The following DGKH variants were observed in gnomAD, a reference collection of about 807,000 sequenced individuals.
The protein encoded by DGKH is DAG kinase eta.
In DGKH, 90 loss-of-function variants were observed where a neutral mutation model predicts 159.3. The ratio of observed to expected loss-of-function variants is 0.57; its 90% CI spans 0.48 to 0.67. The LOEUF (loss-of-function observed/expected upper bound fraction) is 0.67, where lower values mean the gene tolerates loss of function less well. DGKH is among the 30% of genes least tolerant of loss of function. The pLI, the probability that DGKH is intolerant of heterozygous loss-of-function variation, is 0.00. For missense variants in DGKH, 1,181 were observed against 1,506.1 expected (o/e 0.78, Z 3.57); for synonymous variants, 536 against 553.8 (o/e 0.97, Z 0.45).
chr13:42,181,582 G>A, intron 13 of DGKH: 1 of 278,376 alleles, frequency 3.6e-6, no homozygotes, highest in South Asian at 3.1e-5. Flanking sequence ...ATACAAGCAA[G>A]GCTGCTGCTG....
intron 1 of DGKH, among the ~76,000 whole-genome samples, chr13:42,112,166 G>A (rs758408732): frequency 3.3e-5 from 5 of 151,934 alleles, no homozygotes; most frequent in Admixed American, 6.5e-5. Context: ...AACAAAAGTC[G>A]TATATGGTTT....
chr13:42,043,009 AGG>A (rs1257339928), intron 1 of DGKH, among the ~76,000 whole-genome samples: 1 of 152,178 alleles, frequency 6.6e-6, no homozygotes, highest in African/African-American at 2.4e-5. Context: ...CAAGGGGAAA[AGG>A]GGGTGGAGAG....
Position 42,234,662 on chromosome 13 carries a change from AGAGT to A in DGKH, c.*5478_*5481del, listed in dbSNP as rs1355246895. On this transcript the variant is annotated 3_prime_UTR_variant, in exon 30 of 30. Coordinates refer to ENST00000337343, the MANE Select transcript of DGKH (RefSeq NM_178009.5). The stretch of plus-strand genomic sequence containing the variant: ...AAATTCTTTAGATCAGCTGAAAAGA[AGAGT>A]GAGAATTGAAAATTCCTCCACTAGT... The A allele has an allele frequency of 6.6e-6, 1 of 152,240 alleles. No individual in the cohort carries two copies. 9.4% of individuals were successfully genotyped at this position (152,240 alleles called of 1,614,324 possible).
At chr13:42,092,674 T>C (rs2058445222) in intron 1 of DGKH, among the ~76,000 whole-genome samples, 1 of 152,196 alleles carries the variant, frequency 6.6e-6, no homozygotes. Flanking sequence ...TAAGTTGTAG[T>C]GTCTGATAGT....
Position 42,199,594 on chromosome 13 carries a change from AACAATT to A in DGKH, c.2317_2322del (p.Asn773_Tyr774del). On this transcript the variant is annotated inframe_deletion, in exon 19 of 30. Transcript: ENST00000337343. ...TGGATATTCAGAAAAATGTGTCATG[AACAATT>A]ACTTTGGGATTGGATTAGATGCAAA... The A allele has an allele frequency of 6.2e-7, 1 of 1,602,426 alleles. No individual in the cohort carries two copies. Among genetic ancestry groups the A allele is most frequent in the East Asian group, 2.2e-5 (1 of 44,640 alleles).
At chr13:42,182,962 A>G (rs1956814001) in intron 13 of DGKH, among the ~76,000 whole-genome samples, 1 of 151,944 alleles carries the variant, frequency 6.6e-6, no homozygotes, top group Non-Finnish European at 1.5e-5. Context: ...GACAATGCTC[A>G]CACACTACAT....
chr13:42,046,434 A>G (rs1366838760), upstream of DGKH, among the ~76,000 whole-genome samples: 1 of 152,224 alleles, frequency 6.6e-6, no homozygotes, highest in African/African-American at 2.4e-5. Context: ...TAAGTCAGGT[A>G]TCTTAAATAA....
intron 1 of DGKH, among the ~76,000 whole-genome samples, chr13:42,084,422 G>C (rs1031169158): frequency 4.6e-5 from 7 of 152,042 alleles, no homozygotes; most frequent in African/African-American, 1.7e-4. Flanking sequence ...GTGCTTGTGT[G>C]TTTTTAGTTT....
chr13:42,245,138 A>G (rs1020064791), downstream of DGKH, among the ~76,000 whole-genome samples: 2 of 152,166 alleles, frequency 1.3e-5, no homozygotes, highest in Non-Finnish European at 2.9e-5. Context: ...GTGGGCTTGC[A>G]TTAGTTCTAA....
At chr13:42,126,934 C>T (rs550231618) in intron 1 of DGKH, among the ~76,000 whole-genome samples, 1 of 152,328 alleles carries the variant, frequency 6.6e-6, no homozygotes, top group Admixed American at 6.5e-5. Context: ...TACTATACAC[C>T]ATGCACTAAG....
At chr13:42,221,798 CA>C (rs1957980595) in intron 29 of DGKH, among the ~76,000 whole-genome samples, 1 of 152,106 alleles carries the variant, frequency 6.6e-6, no homozygotes, top group Non-Finnish European at 1.5e-5. Context: ...ATACCAATAA[CA>C]AAGCCTTTCT....
intron 5 of DGKH, among the ~76,000 whole-genome samples, chr13:42,158,193 G>A (rs1241892272): frequency 6.6e-6 from 1 of 152,164 alleles, no homozygotes; most frequent in African/African-American, 2.4e-5. Context: ...TTTTGTTTTC[G>A]TGTTATATCC....
intron 3 of DGKH, among the ~76,000 whole-genome samples, chr13:42,148,584 A>G (rs1955795888): frequency 6.6e-6 from 1 of 151,982 alleles, no homozygotes; most frequent in Middle Eastern, 3.2e-3. Context: ...GACCATCTAC[A>G]CTGCTGCCCT....
In DGKH at chr13:42,230,538, A is replaced by G. The variant is rs1264470490; in HGVS notation, c.*1350A>G. The G allele has an allele frequency of 6.6e-6, 1 of 152,142 alleles. No homozygotes were observed. 9.4% of individuals were successfully genotyped at this position (152,142 alleles called of 1,614,324 possible). ...AATAAGCTTTCTTTAGCCATTATAT[A>G]CCAAAACATTAATTATAATATTTTA... On this transcript the variant is annotated 3_prime_UTR_variant, in exon 30 of 30. Coordinates refer to ENST00000337343, the MANE Select transcript of DGKH (RefSeq NM_178009.5).
At chr13:42,184,100 A>G (rs1277244320) in intron 13 of DGKH, among the ~76,000 whole-genome samples, 5 of 152,368 alleles carry the variant, frequency 3.3e-5, no homozygotes, top group South Asian at 2.1e-4. Context: ...AAAGTGAGGT[A>G]GTTGTTAAAA....
intron 1 of DGKH, among the ~76,000 whole-genome samples, chr13:42,068,159 T>C (rs1267868199): frequency 6.6e-6 from 1 of 152,192 alleles, no homozygotes; most frequent in African/African-American, 2.4e-5. Flanking sequence ...TAGATTCGGC[T>C]AGGTAGGCAA....
rs890212084 is a variant in DGKH at position 42,239,230 on chromosome 13, T to A, written c.*10042T>A. On this transcript the variant is annotated 3_prime_UTR_variant, in exon 30 of 30. Coordinates refer to ENST00000337343, the MANE Select transcript of DGKH (RefSeq NM_178009.5). ...TACAGATTATAATTGCGCAGCATTT[T>A]AAAAAAATATACATAATTATGAGGA... 1.3e-5 allele frequency: 2 copies of A among 152,172 alleles called. No individual in the cohort carries two copies. Among genetic ancestry groups the A allele is most frequent in the African/African-American group, 4.8e-5 (2 of 41,434 alleles). 9.4% of individuals were successfully genotyped at this position (152,172 alleles called of 1,614,324 possible).
At chr13:42,074,348 C>A (rs770145643) in intron 1 of DGKH, among the ~76,000 whole-genome samples, 2 of 152,186 alleles carry the variant, frequency 1.3e-5, no homozygotes, top group Non-Finnish European at 2.9e-5. Flanking sequence ...GTCTTCACAT[C>A]ATTTATCAAA....
chr13:42,202,832 A>AT (rs979362672), intron 20 of DGKH, among the ~76,000 whole-genome samples: 1 of 152,154 alleles, frequency 6.6e-6, no homozygotes, highest in African/African-American at 2.4e-5. Context: ...AATTCCAAAC[A>AT]TTTTTTGTAA....
Sources: allele counts gnomAD v4.1 joint callset (sites outside exome capture counted in the v4.1 genomes callset), GRCh38; gene constraint gnomAD v4.1.1; transcripts MANE v1.5; gene names NCBI Gene and HGNC (gene_info 2026-07-23, HGNC 2026-07-21).